The following SLC2A5 variants were observed in gnomAD, a reference collection of about 807,000 sequenced individuals.
SLC2A5 encodes the protein solute carrier family 2, facilitated glucose transporter member 5.
Under a neutral mutation model 50.3 loss-of-function variants are expected in SLC2A5, and 56 were observed. The observed-to-expected ratio is 1.11, with a 90% confidence interval of 0.90 to 1.39. The LOEUF is 1.39. Among genes scored for constraint, SLC2A5 ranks in the 40% most tolerant of loss-of-function variants. SLC2A5 has a pLI of 0.00. For synonymous variants in SLC2A5, 269 were observed against 281.9 expected, an observed-to-expected ratio of 0.95 and a Z score of 0.46; for missense variants, 566 against 650.1, an observed-to-expected ratio of 0.87 and a Z score of 1.41.
chr1:9,086,333 C>T (rs1403876564), intron 1 of SLC2A5, among the ~76,000 whole-genome samples: 1 of 151,850 alleles, frequency 6.6e-6, no homozygotes, highest in Non-Finnish European at 1.5e-5. Flanking sequence ...AGGGAGTTAC[C>T]ACTCAAATTA....
rs1289481332 is a variant in SLC2A5, at chr1:9,036,629, AG to A, written c.*956del. 6.6e-6 allele frequency: 1 copy of A among 152,210 alleles called. No homozygotes were observed. Among genetic ancestry groups the A allele is most frequent in the Non-Finnish European group, 1.5e-5 (1 of 68,074 alleles). The allele number at this position is 152,210 out of a possible 1,614,324, so 9.4% of individuals were successfully genotyped here. A position where few individuals can be genotyped will look rare whatever the true frequency, so the allele number is the denominator to read the frequency against. ...GCCTAGGTGGGCGGATCATGAGGTCAGGAGATTGAGACTATCCTGGCCAACA... is the reference window on the plus strand; with the variant it reads ...GCCTAGGTGGGCGGATCATGAGGTCAGAGATTGAGACTATCCTGGCCAACA... On this transcript the variant is annotated 3_prime_UTR_variant, in exon 12 of 12. Coordinates refer to ENST00000377424, the MANE Select transcript of SLC2A5 (RefSeq NM_003039.3).
upstream of SLC2A5, chr1:9,071,675 G>A (rs1642213838): frequency 6.6e-6 from 1 of 152,350 alleles, no homozygotes; most frequent in Admixed American, 6.5e-5. Flanking sequence ...CGCAGTACCC[G>A]GTTCCTGCCA....
At chr1:9,057,198 A>G (rs796893583) in intron 3 of SLC2A5, among the ~76,000 whole-genome samples, 7 of 151,834 alleles carry the variant, frequency 4.6e-5, no homozygotes, top group African/African-American at 1.7e-4. Flanking sequence ...AGGCAGGAGA[A>G]TCGCTTGAAC....
chr1:9,087,651 C>T (rs890779792), intron 1 of SLC2A5, among the ~76,000 whole-genome samples: 2 of 152,084 alleles, frequency 1.3e-5, no homozygotes, highest in Admixed American at 1.3e-4. Context: ...TCTGGACAGC[C>T]GCCCTGTCTT....
chr1:9,048,957 AT>A (rs576980426), intron 3 of SLC2A5: 51 of 350,220 alleles, frequency 1.5e-4, no homozygotes, highest in Middle Eastern at 9.4e-4. Context: ...GCGCCCAGCC[AT>A]TTTTTTTAAA....
At chr1:9,049,822 G>A (rs935174326) in intron 3 of SLC2A5, among the ~76,000 whole-genome samples, 5 of 152,236 alleles carry the variant, frequency 3.3e-5, no homozygotes, top group Admixed American at 3.3e-4. Flanking sequence ...GAACGCAATG[G>A]AGAAAAGGCA....
intron 1 of SLC2A5, among the ~76,000 whole-genome samples, chr1:9,065,967 A>G (rs1232752198): frequency 6.6e-6 from 1 of 152,120 alleles, no homozygotes; most frequent in African/African-American, 2.4e-5. Context: ...TTTTTTGAGG[A>G]TAATGATACC....
In SLC2A5 at chr1:9,057,511, A is replaced by G. The variant is rs1641789586; in HGVS notation, c.230T>C (p.Met77Thr). 1.2e-6 allele frequency: 2 copies of G among 1,614,002 alleles called. No individual in the cohort carries two copies. The highest frequency in any genetic ancestry group is 2.7e-5 in the African/African-American group (2 of 74,916). ...TCCGATAAACCCTCCAAATGGAAACATGGACACGGTTACAGACCACAGCAA... is the reference window on the plus strand; with the variant it reads ...TCCGATAAACCCTCCAAATGGAAACGTGGACACGGTTACAGACCACAGCAA... ...LTLLWSVTVSMFPFGGFIGSL... is the reference protein window; with the variant it reads ...LTLLWSVTVSTFPFGGFIGSL... Residue 77 changes from methionine (M) to threonine (T), a missense_variant, in exon 3 of 12, where the codon ATG (methionine) becomes ACG (threonine). By Grantham distance (81) the Met-to-Thr change is moderately conservative (BLOSUM62 -1). Transcript: ENST00000377424.
intron 5 of SLC2A5, chr1:9,041,327 T>A: frequency 1.9e-6 from 1 of 538,078 alleles, no homozygotes; most frequent in Non-Finnish European, 2.8e-6. Context: ...ACCTCCCCCA[T>A]GGGGCCAGGC....
chr1:9,059,562 A>ATT (rs1557675400), intron 1 of SLC2A5, among the ~76,000 whole-genome samples: 177 of 94,674 alleles, frequency 1.9e-3, no homozygotes, highest in African/African-American at 3.1e-3. Flanking sequence ...TTTCTGAGAC[A>ATT]TTTCTTGCCC....
At chr1:9,054,135 C>G (rs1219402809) in intron 3 of SLC2A5, among the ~76,000 whole-genome samples, 3 of 151,932 alleles carry the variant, frequency 2.0e-5, no homozygotes, top group Non-Finnish European at 2.9e-5. Flanking sequence ...TTCAAAGACA[C>G]GGAGGAACTT....
chr1:9,044,007 C>T (rs1641377034), intron 4 of SLC2A5, among the ~76,000 whole-genome samples: 1 of 151,196 alleles, frequency 6.6e-6, no homozygotes, highest in Non-Finnish European at 1.5e-5. Context: ...CAGGCATGAG[C>T]CACCGTGCCT....
chr1:9,065,598 T>A (rs2124442714), intron 1 of SLC2A5, among the ~76,000 whole-genome samples: 1 of 152,330 alleles, frequency 6.6e-6, no homozygotes, highest in African/African-American at 2.4e-5. Flanking sequence ...TGCGGTGGTT[T>A]GGAGCACAGT....
chr1:9,067,780 C>T (rs771822317), intron 1 of SLC2A5, among the ~76,000 whole-genome samples: 2 of 152,090 alleles, frequency 1.3e-5, no homozygotes, highest in Admixed American at 1.3e-4. Flanking sequence ...GAGCCAGGGA[C>T]GCGGCTAAAC....
At chr1:9,082,895 A>AAG (rs397793448) in intron 2 of SLC2A5, 2 of 292,020 alleles carry the variant, frequency 6.8e-6, no homozygotes, top group African/African-American at 4.6e-5. Flanking sequence ...AAAAAAAAAA[A>AAG]TGCAGATTGG....
Position 9,041,904 on chromosome 1 carries a change from C to G in SLC2A5, c.452G>C (p.Gly151Ala). 6.2e-7 allele frequency: 1 copy of G among 1,613,170 alleles called. No homozygotes were observed. The highest frequency in any genetic ancestry group is 8.5e-7 in the Non-Finnish European group (1 of 1,179,674). ...CCGCAGGTTTTTAGGGGCCAGCTCCCCTAAGTACATGGGGACCACGTTGGA... is the reference window on the plus strand; with the variant it reads ...CCGCAGGTTTTTAGGGGCCAGCTCCGCTAAGTACATGGGGACCACGTTGGA... ...VSSNVVPMYLGELAPKNLRGA... is the reference protein window; with the variant it reads ...VSSNVVPMYLAELAPKNLRGA... The change falls in exon 5 of 12, where the codon GGG (glycine) becomes GCG (alanine). Residue 151 changes from glycine to alanine, a missense_variant. By Grantham distance (60) the Gly-to-Ala change is moderately conservative. Transcript: ENST00000377424.
intron 1 of SLC2A5, among the ~76,000 whole-genome samples, chr1:9,065,388 A>G (rs749813644): frequency 6.6e-5 from 10 of 152,180 alleles, no homozygotes; most frequent in Non-Finnish European, 1.0e-4. Context: ...TCCATCCTGA[A>G]GTTTCTGTTG....
chr1:9,065,447 C>T (rs1414644570), intron 1 of SLC2A5, among the ~76,000 whole-genome samples: 1 of 152,248 alleles, frequency 6.6e-6, no homozygotes, highest in Non-Finnish European at 1.5e-5. Context: ...TAGGAATCTG[C>T]AGTCAGAATG....
upstream of SLC2A5, among the ~76,000 whole-genome samples, chr1:9,088,961 CATT>C (rs1393872253): frequency 1.3e-5 from 2 of 152,222 alleles, no homozygotes; most frequent in Non-Finnish European, 2.9e-5. Context: ...AAACTCCTCT[CATT>C]ATCGCAAGAA....
Sources: gnomAD v4.1 joint callset for allele counts (sites outside exome capture counted in the v4.1 genomes callset) on GRCh38, gnomAD v4.1.1 for gene constraint, MANE v1.5 for transcripts, NCBI Gene and HGNC (gene_info 2026-07-23, HGNC 2026-07-21) for gene names.